Variants in PIP5K1B observed in about 807,000 individuals in gnomAD.
PIP5K1B encodes the protein phosphatidylinositol 4-phosphate 5-kinase type-1 beta.
A neutral mutation model predicts 67.0 loss-of-function variants in PIP5K1B; 42 were observed. That is an observed-to-expected ratio of 0.63 (90% CI 0.49 to 0.81). The LOEUF (loss-of-function observed/expected upper bound fraction) is 0.81, where lower values mean the gene tolerates loss of function less well. PIP5K1B is among the 30% of genes least tolerant of loss of function. The pLI, the probability that PIP5K1B is intolerant of heterozygous loss-of-function variation, is 0.00. For synonymous variants in PIP5K1B, 214 were observed against 231.4 expected (o/e 0.92, Z 0.68); for missense variants, 459 against 646.3 (o/e 0.71, Z 3.14).
intron 1 of PIP5K1B, among the ~76,000 whole-genome samples, chr9:68,720,914 T>A (rs992059885): frequency 6.6e-6 from 1 of 152,256 alleles, no homozygotes. Context: ...ATCATTGTCA[T>A]CATCATTGTT....
chr9:68,972,407 G>A (rs1457094541), intron 14 of PIP5K1B, among the ~76,000 whole-genome samples: 2 of 152,074 alleles, frequency 1.3e-5, no homozygotes, highest in African/African-American at 4.8e-5. Context: ...ATGGGCGATC[G>A]AGGCGGGTGG....
At chr9:68,985,773 C>T (rs1176833999) in intron 14 of PIP5K1B, among the ~76,000 whole-genome samples, 2 of 152,254 alleles carry the variant, frequency 1.3e-5, no homozygotes, top group Non-Finnish European at 2.9e-5. Flanking sequence ...ACCCAACTCT[C>T]TCATGTCATC....
At chr9:68,907,240 A>G (rs1825658942) in intron 8 of PIP5K1B, among the ~76,000 whole-genome samples, 1 of 152,132 alleles carries the variant, frequency 6.6e-6, no homozygotes, top group Admixed American at 6.6e-5. Context: ...GGTGAGCACC[A>G]TTGGAAACAT....
At chr9:68,876,003 AT>A (rs1457432398) in intron 5 of PIP5K1B, among the ~76,000 whole-genome samples, 2 of 152,210 alleles carry the variant, frequency 1.3e-5, no homozygotes, top group African/African-American at 4.8e-5. Context: ...CTTAAGCAGC[AT>A]TTTGGATTCA....
Position 68,747,878 on chromosome 9 carries a change from C to CTTAG in PIP5K1B, c.-86+5222_-86+5225dup, listed in dbSNP as rs1829401266. ...AATGGATTGTCTACCCCAGAGTTTG[C>CTTAG]TTAGCATAGAGGCTTCATTTATGTA... On this transcript the variant is annotated intron_variant, in intron 2 of 15. Coordinates refer to ENST00000265382, the MANE Select transcript of PIP5K1B (RefSeq NM_003558.4). Among the ~76,000 whole-genome samples the CTTAG allele has an allele frequency of 6.6e-5, 10 of 152,248 alleles. No homozygotes were observed. The South Asian group carries it at 2.1e-3, about 32-fold the overall frequency.
At chr9:68,713,502 A>G (rs1450447678) in intron 1 of PIP5K1B, among the ~76,000 whole-genome samples, 1 of 152,210 alleles carries the variant, frequency 6.6e-6, no homozygotes, top group Non-Finnish European at 1.5e-5. Flanking sequence ...AGTACATAGT[A>G]AATCTGTTGC....
At chr9:68,895,064 G>A (rs1825010623) in intron 8 of PIP5K1B, among the ~76,000 whole-genome samples, 1 of 152,102 alleles carries the variant, frequency 6.6e-6, no homozygotes, top group Non-Finnish European at 1.5e-5. Context: ...AAATGTACTT[G>A]GGATTAATAA....
At chr9:68,914,708 C>T (rs1826015224) in intron 8 of PIP5K1B, among the ~76,000 whole-genome samples, 1 of 151,112 alleles carries the variant, frequency 6.6e-6, no homozygotes, top group Non-Finnish European at 1.5e-5. Context: ...GAGCAAGACT[C>T]CATCTCAATA....
chr9:68,911,008 C>T lies in PIP5K1B; in HGVS notation c.772-6540C>T, dbSNP rs139454477. ...ACTGGCACCAAGCAGTGGTGAGAGA[C>T]TGAAGGCTTTGAGTAGGGATGTGAT... On this transcript the variant is annotated intron_variant, in intron 8 of 15. Coordinates refer to ENST00000265382, the MANE Select transcript of PIP5K1B (RefSeq NM_003558.4). 4.6e-5 allele frequency among the ~76,000 whole-genome samples: 7 copies of T among 152,322 alleles called. No homozygotes were observed. In the East Asian group the frequency reaches 1.2e-3, roughly 25 times the overall value.
At chr9:68,961,576 A>G (rs1828750959) in intron 14 of PIP5K1B, among the ~76,000 whole-genome samples, 1 of 152,148 alleles carries the variant, frequency 6.6e-6, no homozygotes, top group South Asian at 2.1e-4. Context: ...TGGGCTGTGT[A>G]GTTGGGGAAA....
At position 68,917,727 on chromosome 9, in the gene PIP5K1B, T is replaced by A. The variant is rs776094603; in HGVS notation, c.951T>A (p.Ser317=). Reference sequence around the variant, plus strand: ...AATCTATCCAGGGTCCAGGGAAATCTGGAGATGGGATAATCACAGAGAACC... The same window carrying A: ...AATCTATCCAGGGTCCAGGGAAATCAGGAGATGGGATAATCACAGAGAACC... ...AMESIQGPGK[S]GDGIITENPD... is the part of the protein sequence containing the mutation. The change falls in exon 9 of 16, where the codon TCT becomes TCA. Residue 317 remains serine, a synonymous_variant. Coordinates refer to ENST00000265382, the MANE Select transcript of PIP5K1B (RefSeq NM_003558.4). The A allele has an allele frequency of 1.9e-6, 3 of 1,614,126 alleles. No individual in the cohort carries two copies. In the South Asian group the frequency reaches 3.3e-5, roughly 18 times the overall value.
chr9:68,987,212 A>G (rs1273157455), intron 14 of PIP5K1B, among the ~76,000 whole-genome samples: 1 of 152,138 alleles, frequency 6.6e-6, no homozygotes, highest in Non-Finnish European at 1.5e-5. Context: ...AGATCTCACC[A>G]TTGCACTCCA....
chr9:68,793,749 A>C lies in PIP5K1B; in HGVS notation c.-85-24712A>C, dbSNP rs570798724. Among the ~76,000 whole-genome samples the C allele has an allele frequency of 5.3e-5, 8 of 152,320 alleles. No homozygotes were observed. The South Asian group carries it at 1.7e-3, about 32-fold the overall frequency. ...ATTAGACATTCAAGTGGAGGCATCA[A>C]GTAAGCAGTTAGATACCTGAGTCAA... is the stretch of plus-strand genomic sequence containing the variant. On this transcript the variant is annotated intron_variant, in intron 2 of 15. Coordinates refer to ENST00000265382, the MANE Select transcript of PIP5K1B (RefSeq NM_003558.4).
At chr9:68,722,923 C>A (rs1342905800) in intron 1 of PIP5K1B, among the ~76,000 whole-genome samples, 1 of 152,056 alleles carries the variant, frequency 6.6e-6, no homozygotes, top group African/African-American at 2.4e-5. Flanking sequence ...TTTTTGTATC[C>A]TTAACCAATT....
chr9:68,949,701 T>C (rs991835341), intron 14 of PIP5K1B, among the ~76,000 whole-genome samples: 3 of 152,228 alleles, frequency 2.0e-5, no homozygotes, highest in Admixed American at 1.3e-4. Flanking sequence ...AGGAGTTTAC[T>C]TGAGCAGTGA....
chr9:68,935,516 G>A (rs1017819341), intron 13 of PIP5K1B, among the ~76,000 whole-genome samples: 7 of 152,124 alleles, frequency 4.6e-5, no homozygotes, highest in African/African-American at 1.7e-4. Context: ...TGCAGTTCAT[G>A]CACATTTTAA....
chr9:68,756,778 A>T (rs1168829611), intron 2 of PIP5K1B, among the ~76,000 whole-genome samples: 2 of 152,206 alleles, frequency 1.3e-5, no homozygotes, highest in African/African-American at 4.8e-5. Context: ...GTCTGATACA[A>T]ATATAATGAG....
chr9:68,886,043 T>C (rs753457198), intron 6 of PIP5K1B, among the ~76,000 whole-genome samples: 56 of 152,018 alleles, frequency 3.7e-4, no homozygotes, highest in Admixed American at 1.3e-4. Flanking sequence ...TAGCTGGGCA[T>C]GTAGTGGGCG....
intron 14 of PIP5K1B, among the ~76,000 whole-genome samples, chr9:68,952,842 C>T (rs1408224307): frequency 1.3e-5 from 2 of 149,346 alleles, no homozygotes; most frequent in Non-Finnish European, 3.0e-5. Flanking sequence ...TTCCTTCCTT[C>T]CTTTCTTCCT....
Sources: gnomAD v4.1 joint callset for allele counts (sites outside exome capture counted in the v4.1 genomes callset) on GRCh38, gnomAD v4.1.1 for gene constraint, MANE v1.5 for transcripts, NCBI Gene and HGNC (gene_info 2026-07-23, HGNC 2026-07-21) for gene names.